The following SIAH2 variants were observed in gnomAD, a reference collection of about 807,000 sequenced individuals.
The protein encoded by SIAH2 is E3 ubiquitin-protein ligase SIAH2.
A neutral mutation model predicts 20.4 loss-of-function variants in SIAH2; 4 were observed. The ratio of observed to expected loss-of-function variants is 0.20; its 90% CI spans 0.10 to 0.45. The LOEUF is 0.45. SIAH2 is among the 20% of genes least tolerant of loss of function. The pLI is 0.99. For synonymous variants in SIAH2, 171 were observed against 192.5 expected, an observed-to-expected ratio of 0.89 and a Z score of 0.93; for missense variants, 259 against 440.3, an observed-to-expected ratio of 0.59 and a Z score of 3.69.
chr3:150,748,543 C>T lies in SIAH2; in HGVS notation c.418-5845G>A, dbSNP rs78721203. 2.6e-5 allele frequency among the ~76,000 whole-genome samples: 4 copies of T among 152,330 alleles called. No homozygotes were observed. The East Asian group carries it at 7.7e-4, about 29-fold the overall frequency. On this transcript the variant is annotated intron_variant, in intron 1 of 1. Coordinates refer to ENST00000312960, the MANE Select transcript of SIAH2 (RefSeq NM_005067.7). ...CTACTCAATGGGAGCAGCATGTGCT[C>T]CACAGCAGAAGCATGGCTCTTTAGG... is the stretch of plus-strand genomic sequence containing the variant.
intron 1 of SIAH2, among the ~76,000 whole-genome samples, chr3:150,745,571 C>T (rs1446096736): frequency 6.6e-6 from 1 of 151,946 alleles, no homozygotes; most frequent in Non-Finnish European, 1.5e-5. Context: ...TCTCGGTTCA[C>T]TGCAAGCTCC....
intron 1 of SIAH2, among the ~76,000 whole-genome samples, chr3:150,755,943 C>A (rs1714478160): frequency 6.6e-6 from 1 of 152,236 alleles, no homozygotes; most frequent in Non-Finnish European, 1.5e-5. Flanking sequence ...AGCCACCACA[C>A]CTGACCAGGA....
At chr3:150,760,561 A>G (rs543932785) in intron 1 of SIAH2, among the ~76,000 whole-genome samples, 66 of 152,330 alleles carry the variant, frequency 4.3e-4, no homozygotes, top group Non-Finnish European at 6.3e-4. Context: ...TGCTCCATAT[A>G]GCATAACTGT....
At chr3:150,748,740 C>A (rs1487279979) in intron 1 of SIAH2, among the ~76,000 whole-genome samples, 1 of 152,168 alleles carries the variant, frequency 6.6e-6, no homozygotes, top group Non-Finnish European at 1.5e-5. Flanking sequence ...TAAGAAATGA[C>A]CTTGTCTTGG....
chr3:150,759,713 T>C (rs571207), intron 1 of SIAH2, among the ~76,000 whole-genome samples: 5,892 of 149,826 alleles, frequency 0.039, 179 homozygotes, highest in Admixed American at 0.077. Context: ...AAAGGCAAAC[T>C]AGTAAAAGCT....
chr3:150,748,336 A>G (rs1383306727), intron 1 of SIAH2, among the ~76,000 whole-genome samples: 1 of 152,260 alleles, frequency 6.6e-6, no homozygotes, highest in Non-Finnish European at 1.5e-5. Context: ...TTTACCTAAT[A>G]AACACAGTCA....
intron 1 of SIAH2, among the ~76,000 whole-genome samples, chr3:150,752,071 G>A (rs16862837): frequency 1.4e-4 from 22 of 152,152 alleles, no homozygotes; most frequent in Admixed American, 9.8e-4. Context: ...GTTTTGTGAG[G>A]TCCTTTCAAA....
chr3:150,748,081 G>C (rs1253477185), intron 1 of SIAH2, among the ~76,000 whole-genome samples: 1 of 151,930 alleles, frequency 6.6e-6, no homozygotes, highest in Non-Finnish European at 1.5e-5. Flanking sequence ...ATGTTGCAGT[G>C]ACTCAAAAGT....
chr3:150,745,162 TC>T (rs1345171119), intron 1 of SIAH2, among the ~76,000 whole-genome samples: 1 of 152,020 alleles, frequency 6.6e-6, no homozygotes, highest in Non-Finnish European at 1.5e-5. Flanking sequence ...CCCTTCTCTT[TC>T]CATCATGGGT....
At chr3:150,754,565 TTTTG>T (rs1714443087) in intron 1 of SIAH2, among the ~76,000 whole-genome samples, 1 of 152,052 alleles carries the variant, frequency 6.6e-6, no homozygotes, top group African/African-American at 2.4e-5. Context: ...ATCTCACTTG[TTTTG>T]TTTTTGTTTT....
At chr3:150,753,080 G>A (rs974138096) in intron 1 of SIAH2, among the ~76,000 whole-genome samples, 24 of 152,160 alleles carry the variant, frequency 1.6e-4, no homozygotes, top group Admixed American at 8.5e-4. Flanking sequence ...CAGGCAAACC[G>A]CTGCGCACCT....
intron 1 of SIAH2, among the ~76,000 whole-genome samples, chr3:150,755,818 A>T (rs1714475811): frequency 6.6e-6 from 1 of 151,840 alleles, no homozygotes; most frequent in Non-Finnish European, 1.5e-5. Context: ...GCCTGGCACA[A>T]ATTTTGTATT....
chr3:150,747,056 T>C (rs553327313), intron 1 of SIAH2, among the ~76,000 whole-genome samples: 49 of 152,352 alleles, frequency 3.2e-4, no homozygotes, highest in African/African-American at 1.1e-3. Context: ...GTTCTTTCAC[T>C]GCACACAACA....
chr3:150,746,882 C>T (rs954095066), intron 1 of SIAH2, among the ~76,000 whole-genome samples: 43 of 152,244 alleles, frequency 2.8e-4, no homozygotes, highest in African/African-American at 1.0e-3. Context: ...ACAATCAGAA[C>T]ATGATCGCTA....
chr3:150,762,679 G>C lies in SIAH2; in HGVS notation c.171C>G (p.Gly57=), dbSNP rs917408896. 5 of 1,398,778 alleles carry C rather than the reference G, an allele frequency of 3.6e-6. No homozygotes were observed. Among genetic ancestry groups the C allele is most frequent in the Non-Finnish European group, 3.7e-6 (4 of 1,075,188 alleles). 86.6% of individuals were successfully genotyped at this position (1,398,778 alleles called of 1,614,324 possible). A position where few individuals can be genotyped will look rare whatever the true frequency, so the allele number is the denominator to read the frequency against. ...GGCCGGCCCCGCCGCCGCCGCCGGG[G>C]CCCGAGATCACCGCCGCCGCGGCGG... The part of the protein sequence containing the change: ...AVPAAAAVIS[G]PGGGGGAGPV... The change falls in exon 1 of 2, where the codon GGC becomes GGG. Residue 57 remains glycine, a synonymous_variant. Coordinates refer to ENST00000312960, the MANE Select transcript of SIAH2 (RefSeq NM_005067.7). This position sits in a 1 kb window ranked among gnomAD's most constrained non-coding sequence, Gnocchi z 6.6.
intron 1 of SIAH2, among the ~76,000 whole-genome samples, chr3:150,749,199 A>C (rs1041393033): frequency 6.6e-6 from 1 of 152,188 alleles, no homozygotes; most frequent in African/African-American, 2.4e-5. Flanking sequence ...GTATGAAATC[A>C]TATCAAAATA....
At chr3:150,754,410 G>A (rs972463777) in intron 1 of SIAH2, among the ~76,000 whole-genome samples, 5 of 152,144 alleles carry the variant, frequency 3.3e-5, no homozygotes, top group Non-Finnish European at 7.3e-5. Flanking sequence ...ACTATCATGA[G>A]AACAGCACCA....
intron 1 of SIAH2, among the ~76,000 whole-genome samples, chr3:150,748,337 AAC>A (rs562134656): frequency 5.9e-4 from 90 of 152,376 alleles, no homozygotes; most frequent in African/African-American, 1.6e-3. Flanking sequence ...TTACCTAATA[AAC>A]ACAGTCACAT....
Position 150,762,358 on chromosome 3 carries a change from G to C in SIAH2, c.417+75C>G. ...TGAGAGATGCCGCCCGCCTCTCCGGGCCTGCGAGTGGGCTGGCGGATACCG... is the reference window on the plus strand; with the variant it reads ...TGAGAGATGCCGCCCGCCTCTCCGGCCCTGCGAGTGGGCTGGCGGATACCG... On this transcript the variant is annotated intron_variant, in intron 1 of 1. Transcript: ENST00000312960. This position sits in a 1 kb window ranked among gnomAD's most constrained non-coding sequence, Gnocchi z 6.6. 11 of 1,521,414 alleles carry C rather than the reference G, an allele frequency of 7.2e-6. No homozygotes were observed. The highest frequency in any genetic ancestry group is 9.7e-6 in the Non-Finnish European group (11 of 1,138,060). The allele number at this position is 1,521,414 out of a possible 1,614,324, so 94.2% of individuals were successfully genotyped here.
Sources: gnomAD v4.1 joint callset for allele counts (sites outside exome capture counted in the v4.1 genomes callset) on GRCh38, gnomAD v4.1.1 for gene constraint, Gnocchi (gnomAD v3.1) non-coding constraint, MANE v1.5 for transcripts, NCBI Gene and HGNC (gene_info 2026-07-23, HGNC 2026-07-21) for gene names.